Variants in STK3 observed in about 807,000 individuals in gnomAD.
STK3 encodes serine/threonine kinase 3.
In STK3, 41 loss-of-function variants were observed where a neutral mutation model predicts 58.0. The observed-to-expected ratio is 0.71, with a 90% CI of 0.55 to 0.92. The LOEUF is 0.92. STK3 is among the 40% of genes least tolerant of loss of function. The probability of loss-of-function intolerance (pLI) is 0.00; values close to 1 mark genes in which losing one functional copy is unlikely to be tolerated. For missense variants in STK3, 479 were observed against 602.7 expected (o/e 0.79, Z 2.15); for synonymous variants, 170 against 191.0 (o/e 0.89, Z 0.91).
intron 2 of STK3, among the ~76,000 whole-genome samples, chr8:98,372,586 G>A (rs1326178360): frequency 6.6e-6 from 1 of 150,828 alleles, no homozygotes; most frequent in African/African-American, 2.4e-5. Context: ...ATCCTTCACT[G>A]ACGTGAGAGA....
At chr8:98,357,691 TC>T in the STK3 span, among the ~76,000 whole-genome samples, 1 of 152,362 alleles carries the variant, frequency 6.6e-6, no homozygotes, top group East Asian at 1.9e-4. Flanking sequence ...GGCGTGTTTC[TC>T]TTTGCCTTCT....
chr8:98,363,363 T>A, the STK3 span, among the ~76,000 whole-genome samples: 1 of 152,064 alleles, frequency 6.6e-6, no homozygotes, highest in African/African-American at 2.4e-5. Context: ...AGAAAATCAC[T>A]TCGCAGAATA....
At chr8:98,821,515 T>G (rs983631307) in intron 1 of STK3, among the ~76,000 whole-genome samples, 1 of 148,998 alleles carries the variant, frequency 6.7e-6, no homozygotes, top group Non-Finnish European at 1.5e-5. Context: ...AAAAAAAAAA[T>G]TAGGTATGGT....
intron 8 of STK3, among the ~76,000 whole-genome samples, chr8:98,571,907 A>AT (rs1389150516): frequency 1.3e-5 from 2 of 152,184 alleles, no homozygotes; most frequent in Non-Finnish European, 2.9e-5. Context: ...GTGACAAGCA[A>AT]TTCTTCTAAA....
intron 6 of STK3, among the ~76,000 whole-genome samples, chr8:98,618,574 C>T (rs923281712): frequency 4.7e-4 from 70 of 148,286 alleles, no homozygotes; most frequent in African/African-American, 1.4e-3. Context: ...CCCATTGTCT[C>T]AGCCCAAAAT....
rs538373316 is a variant in STK3 at position 98,591,552 on chromosome 8, G to C, written c.822+4480C>G. ...TGACTCAAGAATACTCAAATAATAT[G>C]GTCTTGCTCTTCATGTACCCTTTTA... On this transcript the variant is annotated intron_variant, in intron 7 of 10. Coordinates refer to ENST00000419617, the MANE Select transcript of STK3 (RefSeq NM_006281.4). 7.2e-5 allele frequency among the ~76,000 whole-genome samples: 11 copies of C among 152,188 alleles called. No homozygotes were observed. The East Asian group carries it at 1.2e-3, about 16-fold the overall frequency.
intron 1 of STK3, among the ~76,000 whole-genome samples, chr8:98,785,540 C>A (rs1335778696): frequency 6.6e-6 from 1 of 152,150 alleles, no homozygotes; most frequent in Admixed American, 6.5e-5. Flanking sequence ...TCCAGCCCTG[C>A]ATATCTTTCC....
chr8:98,428,558 C>T lies in STK3; in HGVS notation n.483+5569G>A. On this transcript the variant is annotated intron_variant and non_coding_transcript_variant, in intron 3 of 3. Coordinates refer to the STK3 transcript ENST00000517832. The surrounding 1 kb of genome is among the most constrained non-coding windows in gnomAD (Gnocchi z 6.7). ...TGAGCAGGGTCTTCAGCATCCTGTC[C>T]ATCCTGGTGGTGATGGGGTCCATCA... The T allele has an allele frequency of 6.2e-7, 1 of 1,614,212 alleles. No individual in the cohort carries two copies. Among genetic ancestry groups the T allele is most frequent in the Non-Finnish European group, 8.5e-7 (1 of 1,180,044 alleles).
chr8:98,362,957 G>C, the STK3 span, among the ~76,000 whole-genome samples: 2 of 152,182 alleles, frequency 1.3e-5, no homozygotes, highest in Non-Finnish European at 2.9e-5. Flanking sequence ...TTAGTGATCT[G>C]TTTCTAAAAA....
chr8:98,711,402 T>G (rs1009210741), intron 4 of STK3, among the ~76,000 whole-genome samples: 37 of 151,382 alleles, frequency 2.4e-4, no homozygotes, highest in African/African-American at 8.3e-4. Context: ...ATTAGACAAA[T>G]GGCTAACTAG....
At position 98,575,635 on chromosome 8, in the gene STK3, C is replaced by CT. The variant is rs375581206; in HGVS notation, c.948+4028dup. On this transcript the variant is annotated intron_variant, in intron 8 of 10. Transcript: ENST00000419617. ...TTGTAAGAGTTCTCTATACAGTTTG[C>CT]TTTTTTTTTTTTCTTTTAAACAGAT... 2.8e-3 allele frequency among the ~76,000 whole-genome samples: 397 copies of CT among 143,232 alleles called. 1 individual carries two copies. Among genetic ancestry groups the CT allele is most frequent in the Non-Finnish European group, 3.4e-3 (222 of 65,006 alleles). 94.0% of individuals were successfully genotyped at this position (143,232 alleles called of 152,430 possible).
chr8:98,468,338 G>A (rs1475397818), intron 10 of STK3, among the ~76,000 whole-genome samples: 1 of 152,142 alleles, frequency 6.6e-6, no homozygotes, highest in Non-Finnish European at 1.5e-5. Context: ...GTTTGTGGCT[G>A]AAACAATATT....
chr8:98,420,202 ATC>A, intron 3 of STK3, among the ~76,000 whole-genome samples: 1 of 152,166 alleles, frequency 6.6e-6, no homozygotes, highest in East Asian at 1.9e-4. Context: ...TTGCTGTCCC[ATC>A]CAGGACAGCA....
At chr8:98,533,315 C>G (rs566039129) in intron 9 of STK3, among the ~76,000 whole-genome samples, 2 of 152,092 alleles carry the variant, frequency 1.3e-5, no homozygotes, top group Admixed American at 6.5e-5. Context: ...TATCCAGAGG[C>G]CTTTTTTGCT....
At chr8:98,370,492 C>T (rs995312431), downstream of STK3, among the ~76,000 whole-genome samples, 10 of 151,924 alleles carry the variant, frequency 6.6e-5, no homozygotes, top group East Asian at 9.7e-4. Context: ...CCTGAAAAGC[C>T]GAAATATGCT....
At chr8:98,693,993 C>T (rs1372889094) in intron 6 of STK3, among the ~76,000 whole-genome samples, 1 of 152,120 alleles carries the variant, frequency 6.6e-6, no homozygotes, top group Middle Eastern at 3.4e-3. Context: ...TTTTAAAATC[C>T]TTTCTTTGTG....
At chr8:98,544,649 AACACAC>A (rs59159370) in intron 9 of STK3, among the ~76,000 whole-genome samples, 6,814 of 137,432 alleles carry the variant, frequency 0.05, 159 homozygotes, top group South Asian at 0.091. Context: ...ATTCTACTAT[AACACAC>A]ACACACACAC....
intron 4 of STK3, among the ~76,000 whole-genome samples, chr8:98,713,233 G>A (rs1826674096): frequency 6.6e-6 from 1 of 151,912 alleles, no homozygotes; most frequent in African/African-American, 2.4e-5. Context: ...AACTAGAAAA[G>A]CAAGAGCAAA....
chr8:98,414,328 T>G (rs1054271037), intron 3 of STK3, among the ~76,000 whole-genome samples: 3 of 152,192 alleles, frequency 2.0e-5, no homozygotes, highest in African/African-American at 7.2e-5. Context: ...GGTCTACCAT[T>G]TCCTCTCAGG....
Sources: gnomAD v4.1 joint callset for allele counts (sites outside exome capture counted in the v4.1 genomes callset) on GRCh38, gnomAD v4.1.1 for gene constraint, Gnocchi (gnomAD v3.1) non-coding constraint, MANE v1.5 for transcripts, NCBI Gene and HGNC (gene_info 2026-07-23, HGNC 2026-07-21) for gene names.